Variants in MTMR3 observed in about 807,000 individuals in gnomAD.
MTMR3 encodes the protein phosphatidylinositol-3,5-bisphosphate 3-phosphatase MTMR3.
Under a neutral mutation model 132.4 loss-of-function variants are expected in MTMR3, and 32 were observed. That is an observed-to-expected ratio of 0.24 (90% confidence interval 0.18 to 0.32). The LOEUF is 0.32. Ranked by LOEUF, MTMR3 falls within the 10% of genes least tolerant of loss-of-function variation. The pLI, the probability that MTMR3 is intolerant of heterozygous loss-of-function variation, is 1.00. For synonymous variants in MTMR3, 556 were observed against 550.3 expected, an observed-to-expected ratio of 1.01 and a Z score of -0.14; for missense variants, 1,216 against 1,489.6, an observed-to-expected ratio of 0.82 and a Z score of 3.02.
intron 1 of MTMR3, among the ~76,000 whole-genome samples, chr22:29,918,105 G>A (rs897162279): frequency 6.6e-6 from 1 of 152,070 alleles, no homozygotes; most frequent in Non-Finnish European, 1.5e-5. Flanking sequence ...GCCTCATATT[G>A]CTAATGCGGT....
In MTMR3 at chr22:29,950,986, A is replaced by G. The variant is rs374229764; in HGVS notation, c.-137-6050A>G. The stretch of plus-strand genomic sequence containing the variant: ...GCCCACGTGGTGAAACCCCGTCTCT[A>G]CTGAAAATACAAAAATTAGCTGGGC... On this transcript the variant is annotated intron_variant, in intron 1 of 19. Transcript: ENST00000401950. 1.3e-3 allele frequency among the ~76,000 whole-genome samples: 198 copies of G among 152,250 alleles called. 2 individuals carry two copies. In the South Asian group the frequency reaches 0.029, roughly 23 times the overall value.
intron 5 of MTMR3, chr22:29,987,273 G>C (rs2017677): frequency 0.74 from 112,394 of 152,180 alleles, 41,645 homozygotes; most frequent in East Asian, 0.91. Flanking sequence ...TGAGAGTTCT[G>C]TGCTGACTGG....
In MTMR3 at chr22:30,027,596, G is replaced by A. The variant is rs969724115; in HGVS notation, c.*1795G>A. The A allele has an allele frequency of 6.5e-6, 1 of 152,764 alleles. No individual in the cohort carries two copies. The highest frequency in any genetic ancestry group is 1.5e-5 in the Non-Finnish European group (1 of 68,038). The allele number at this position is 152,764 out of a possible 1,614,324, so 9.5% of individuals were successfully genotyped here. A position where few individuals can be genotyped will look rare whatever the true frequency, so the allele number is the denominator to read the frequency against. On this transcript the variant is annotated 3_prime_UTR_variant, in exon 20 of 20. Transcript: ENST00000401950. ...ACAGGTGCCAAGAGGTTATGATACG[G>A]GTTTCTTGGGTCTGATGTACAGTGT...
intron 1 of MTMR3, among the ~76,000 whole-genome samples, chr22:29,929,162 T>C (rs9614109): frequency 0.16 from 24,371 of 151,862 alleles, 2,059 homozygotes; most frequent in South Asian, 0.24. Flanking sequence ...GTGCCTGTAA[T>C]CCCAGCTACT....
At chr22:30,002,462 C>G (rs2067195749) in intron 8 of MTMR3, 1 of 153,202 alleles carries the variant, frequency 6.5e-6, no homozygotes, top group South Asian at 2.1e-4. Flanking sequence ...CACGGACTCT[C>G]AGTTCTGTAA....
intron 10 of MTMR3, 71 bp from the exon 11 acceptor site, chr22:30,007,830 G>C (rs777580713): frequency 1.2e-5 from 18 of 1,542,984 alleles, no homozygotes; most frequent in Non-Finnish European, 8.8e-6. Context: ...AGATGTGCTT[G>C]TGGGTCTAAT....
intron 2 of MTMR3, among the ~76,000 whole-genome samples, chr22:29,961,763 G>A (rs1476226125): frequency 6.6e-6 from 1 of 152,200 alleles, no homozygotes; most frequent in Non-Finnish European, 1.5e-5. Context: ...GACATACCCA[G>A]AGCAACTTCC....
rs1335206092 is a variant in MTMR3, at chr22:29,918,695, T to C, written c.-138+35336T>C. 9.9e-5 allele frequency among the ~76,000 whole-genome samples: 15 copies of C among 152,204 alleles called. 1 individual carries two copies. The highest frequency in any genetic ancestry group is 1.9e-4 in the Non-Finnish European group (13 of 68,042). On this transcript the variant is annotated intron_variant, in intron 1 of 19. Coordinates refer to ENST00000401950, the MANE Select transcript of MTMR3 (RefSeq NM_021090.4). ...TTTTTGGAGGCAAATGAATAAAATA[T>C]TTAGAATGGTTAAGATAGTCTTCTG... is the stretch of plus-strand genomic sequence containing the variant.
chr22:30,022,582 A>G (rs895112872), intron 18 of MTMR3, 27 bp from the exon 19 acceptor site: 2 of 1,603,030 alleles, frequency 1.2e-6, no homozygotes, highest in Non-Finnish European at 1.7e-6. Context: ...ATCTCCTGTC[A>G]GTAACCTGGT....
At chr22:29,916,189 A>G (rs980837035) in intron 1 of MTMR3, among the ~76,000 whole-genome samples, 3 of 152,194 alleles carry the variant, frequency 2.0e-5, no homozygotes, top group African/African-American at 7.2e-5. Flanking sequence ...GTGTTTATAA[A>G]GGTTTCAGCT....
intron 2 of MTMR3, among the ~76,000 whole-genome samples, chr22:29,961,362 A>G (rs1042013355): frequency 2.0e-5 from 3 of 152,172 alleles, no homozygotes; most frequent in Non-Finnish European, 2.9e-5. Flanking sequence ...GTTATGATAC[A>G]TTGGGGTATA....
At chr22:29,903,390 C>CTTTTT (rs35625964) in intron 1 of MTMR3, among the ~76,000 whole-genome samples, 54 of 119,624 alleles carry the variant, frequency 4.5e-4, no homozygotes, top group Non-Finnish European at 6.1e-4. Flanking sequence ...CTTTTTCTTT[C>CTTTTT]TTTTTTTTTT....
chr22:29,949,140 CA>C (rs2066017343), intron 1 of MTMR3, among the ~76,000 whole-genome samples: 1 of 28,500 alleles, frequency 3.5e-5, no homozygotes, highest in Non-Finnish European at 7.1e-5. Flanking sequence ...CACACACACA[CA>C]CACCCCCCCC....
intron 2 of MTMR3, among the ~76,000 whole-genome samples, chr22:29,967,759 G>C (rs1036205317): frequency 6.6e-6 from 1 of 151,968 alleles, no homozygotes; most frequent in Non-Finnish European, 1.5e-5. Flanking sequence ...TTCTGTCTCT[G>C]TGGATTTACC....
intron 1 of MTMR3, among the ~76,000 whole-genome samples, chr22:29,947,794 T>C (rs913994153): frequency 1.3e-5 from 2 of 152,212 alleles, no homozygotes; most frequent in Non-Finnish European, 2.9e-5. Context: ...GTCACATGTA[T>C]TCCTCTAGTT....
At chr22:29,945,713 A>G (rs1479758602) in intron 1 of MTMR3, among the ~76,000 whole-genome samples, 1 of 111,162 alleles carries the variant, frequency 9.0e-6, no homozygotes, top group South Asian at 4.3e-4. Flanking sequence ...CTTTAAAATG[A>G]AAAAGAAAAA....
At chr22:29,927,947 T>TTG (rs2065552961) in intron 1 of MTMR3, among the ~76,000 whole-genome samples, 1 of 147,270 alleles carries the variant, frequency 6.8e-6, no homozygotes, top group South Asian at 2.2e-4. Flanking sequence ...TTGTTTTTTT[T>TTG]TTTTTTTTTT....
At chr22:29,923,108 C>G (rs1346133873) in intron 1 of MTMR3, among the ~76,000 whole-genome samples, 1 of 150,002 alleles carries the variant, frequency 6.7e-6, no homozygotes, top group Non-Finnish European at 1.5e-5. Context: ...GTGGCGCCAT[C>G]TCGGCTCACT....
rs759592883 is a variant in MTMR3, at chr22:30,022,052, C to T, written c.3249C>T (p.Ser1083=). The change falls in exon 18 of 20, where the codon AGC becomes AGT. Residue 1083 remains serine (S), a synonymous_variant. Transcript: ENST00000401950. ...AGACTTCAATCCCCGACTCGGAAAG[C>T]AATCTGGATCAGAACTGTTTGTCTC... ...DEVTSIPDSE[S]NLDQNCLSRC... is the part of the protein sequence containing the mutation. 1.7e-5 allele frequency: 27 copies of T among 1,614,064 alleles called. No individual in the cohort carries two copies. In the Admixed American group the frequency reaches 4.3e-4, roughly 26 times the overall value.
Sources: allele counts gnomAD v4.1 joint callset (sites outside exome capture counted in the v4.1 genomes callset), GRCh38; gene constraint gnomAD v4.1.1; transcripts MANE v1.5; gene names NCBI Gene and HGNC (gene_info 2026-07-23, HGNC 2026-07-21).